Variants in CEP126 observed in about 807,000 individuals in gnomAD.
CEP126 encodes the protein centrosomal protein of 126 kDa.
CEP126 carries 74 observed loss-of-function variants against 107.8 expected under a neutral mutation model. The observed-to-expected ratio is 0.69, with a 90% CI of 0.57 to 0.83. The LOEUF is 0.83. Among genes scored for constraint, CEP126 ranks in the 40% least tolerant of loss-of-function variants. CEP126 has a pLI of 0.00. For synonymous variants in CEP126, 449 were observed against 446.0 expected (o/e 1.01, Z -0.08); for missense variants, 1,237 against 1,281.9 (o/e 0.96, Z 0.53).
At chr11:101,941,676 A>G (rs1245835245) in intron 2 of CEP126, among the ~76,000 whole-genome samples, 1 of 152,068 alleles carries the variant, frequency 6.6e-6, no homozygotes. Context: ...TTCTTTTATC[A>G]TATGGTAATT....
chr11:101,982,113 T>G, intron 8 of CEP126, 149 bp downstream of exon 8: 1 of 489,242 alleles, frequency 2.0e-6, no homozygotes, highest in Non-Finnish European at 3.7e-6. Flanking sequence ...TCCAGGTCAT[T>G]GTCAGTGTTC....
At chr11:101,966,153 T>C (rs1427939122) in intron 6 of CEP126, among the ~76,000 whole-genome samples, 2 of 152,198 alleles carry the variant, frequency 1.3e-5, no homozygotes, top group African/African-American at 4.8e-5. Context: ...CATTCTTAAA[T>C]GTTCTTAAAT....
At chr11:101,932,685 G>A (rs1344193693) in intron 2 of CEP126, among the ~76,000 whole-genome samples, 4 of 151,932 alleles carry the variant, frequency 2.6e-5, no homozygotes, top group African/African-American at 7.3e-5. Context: ...TTGCCCCTGC[G>A]TATTTGGAGT....
rs148356246 is a variant in CEP126, at chr11:101,963,258, T to C, written c.2223T>C (p.Asp741=). ...KEESKIPVHD[D]SKTKQGKPQR... ...AAAGTAAAATCCCTGTACATGATGATTCTAAAACTAAGCAAGGTAAGCCAC... is the reference window on the plus strand; with the variant it reads ...AAAGTAAAATCCCTGTACATGATGACTCTAAAACTAAGCAAGGTAAGCCAC... Residue 741 remains aspartate, a synonymous_variant, in exon 6 of 11, where the codon GAT becomes GAC. Coordinates refer to ENST00000263468, the MANE Select transcript of CEP126 (RefSeq NM_020802.4). 6 of 1,613,910 alleles carry C rather than the reference T, an allele frequency of 3.7e-6. No individual in the cohort carries two copies. In the African/African-American group the frequency reaches 8.0e-5, roughly 22 times the overall value.
rs992189460 is a variant in CEP126 at position 102,000,781 on chromosome 11, G to T, written c.*3138G>T. 6.6e-6 allele frequency: 1 copy of T among 152,106 alleles called. No individual in the cohort carries two copies. Among genetic ancestry groups the T allele is most frequent in the East Asian group, 1.9e-4 (1 of 5,194 alleles). The allele number at this position is 152,106 out of a possible 1,614,324, so 9.4% of individuals were successfully genotyped here. A position where few individuals can be genotyped will look rare whatever the true frequency, so the allele number is the denominator to read the frequency against. On this transcript the variant is annotated 3_prime_UTR_variant, in exon 11 of 11. Coordinates refer to ENST00000263468, the MANE Select transcript of CEP126 (RefSeq NM_020802.4). ...AAAAGTTTAAACACATTTCCGAGAG[G>T]CAGGGCAACTAATAACTGGTCAGAA...
intron 1 of CEP126, chr11:101,916,443 TC>T (rs1940215352): frequency 6.6e-6 from 1 of 152,258 alleles, no homozygotes; most frequent in Admixed American, 6.5e-5. Flanking sequence ...TCTGCAATCT[TC>T]CATCCCTTCA....
intron 2 of CEP126, among the ~76,000 whole-genome samples, chr11:101,931,760 C>G (rs1303208058): frequency 6.6e-6 from 1 of 152,206 alleles, no homozygotes; most frequent in East Asian, 1.9e-4. Context: ...TGTTTGTCTC[C>G]TGTGACCACA....
At chr11:101,933,073 G>A (rs553735664) in intron 2 of CEP126, among the ~76,000 whole-genome samples, 1 of 152,228 alleles carries the variant, frequency 6.6e-6, no homozygotes, top group East Asian at 1.9e-4. Flanking sequence ...AAAATTTCAG[G>A]CTCTGCACTC....
At chr11:101,943,760 A>C (rs558261634) in intron 2 of CEP126, among the ~76,000 whole-genome samples, 1 of 152,100 alleles carries the variant, frequency 6.6e-6, no homozygotes, top group Non-Finnish European at 1.5e-5. Context: ...TTTTGAAGAG[A>C]AACTGGAAAT....
At chr11:101,989,821 G>A (rs944635666) in intron 9 of CEP126, among the ~76,000 whole-genome samples, 12 of 152,226 alleles carry the variant, frequency 7.9e-5, no homozygotes, top group South Asian at 2.1e-4. Context: ...TTAGCCGGGC[G>A]TGGTGGTGGG....
chr11:101,962,450 C>G lies in CEP126; in HGVS notation c.1415C>G (p.Ala472Gly). The part of the protein sequence containing the change: ...PLVLPSNIQS[A>G]RPSAKNSIHI... ...GTTTTGCCATCTAATATACAGTCAG[C>G]TAGACCTTCAGCAAAGAACAGTATA... The change falls in exon 6 of 11, where the codon GCT becomes GGT. Residue 472 changes from alanine (A) to glycine (G), a missense_variant. This residue lies in a region of CEP126 where 1,134 missense variants were observed against 1,150.5 expected (regional missense o/e 0.99). Coordinates refer to ENST00000263468, the MANE Select transcript of CEP126 (RefSeq NM_020802.4). 2 of 1,613,732 alleles carry G rather than the reference C, an allele frequency of 1.2e-6. No individual in the cohort carries two copies.
chr11:101,988,185 A>G (rs540169588), intron 9 of CEP126, among the ~76,000 whole-genome samples: 32 of 152,304 alleles, frequency 2.1e-4, no homozygotes, highest in Non-Finnish European at 3.8e-4. Flanking sequence ...CATGCAGGGA[A>G]TAAGAAACTA....
chr11:101,919,868 G>A (rs1391215812), intron 1 of CEP126, among the ~76,000 whole-genome samples: 1 of 152,026 alleles, frequency 6.6e-6, no homozygotes, highest in Non-Finnish European at 1.5e-5. Flanking sequence ...CCTCATGTTG[G>A]CCCTGTGCAC....
At chr11:101,976,392 C>T (rs1256039731) in intron 6 of CEP126, among the ~76,000 whole-genome samples, 2 of 151,954 alleles carry the variant, frequency 1.3e-5, no homozygotes, top group African/African-American at 4.8e-5. Flanking sequence ...GATAATAGTG[C>T]CTATGGCCCT....
intron 1 of CEP126, among the ~76,000 whole-genome samples, chr11:101,917,305 G>A (rs1207519119): frequency 6.6e-6 from 1 of 151,960 alleles, no homozygotes; most frequent in African/African-American, 2.4e-5. Flanking sequence ...CTAGCACAGA[G>A]TAGGTGCTCA....
intron 2 of CEP126, among the ~76,000 whole-genome samples, chr11:101,934,187 C>G (rs1243510087): frequency 2.0e-5 from 3 of 152,088 alleles, no homozygotes; most frequent in Non-Finnish European, 4.4e-5. Flanking sequence ...TCTATAGATC[C>G]TCTGTGTCAT....
chr11:101,925,939 G>A (rs1206276805), intron 2 of CEP126, among the ~76,000 whole-genome samples: 2 of 151,210 alleles, frequency 1.3e-5, no homozygotes, highest in Non-Finnish European at 2.9e-5. Context: ...ACGGGCATGA[G>A]CCACTGTGCC....
chr11:101,961,451 T>C (rs1267787183), intron 5 of CEP126, among the ~76,000 whole-genome samples: 5 of 152,106 alleles, frequency 3.3e-5, no homozygotes, highest in East Asian at 3.8e-4. Flanking sequence ...CTAAATGGAA[T>C]AGCAATAACA....
intron 5 of CEP126, among the ~76,000 whole-genome samples, chr11:101,960,359 A>G (rs1357451606): frequency 1.3e-5 from 2 of 152,218 alleles, no homozygotes; most frequent in Non-Finnish European, 2.9e-5. Context: ...CATGGATGTC[A>G]TACTTATATC....
Sources: gnomAD v4.1 joint callset for allele counts (sites outside exome capture counted in the v4.1 genomes callset) on GRCh38, gnomAD v4.1.1 for gene constraint, gnomAD v4.1.1 regional missense constraint, MANE v1.5 for transcripts, NCBI Gene and HGNC (gene_info 2026-07-23, HGNC 2026-07-21) for gene names.